The following ARHGAP20 variants were observed in gnomAD, a reference collection of about 807,000 sequenced individuals.
ARHGAP20 encodes the protein rho GTPase-activating protein 20.
In ARHGAP20, 34 loss-of-function variants were observed where a neutral mutation model predicts 73.7. The observed-to-expected ratio is 0.46, with a 90% CI of 0.35 to 0.61. ARHGAP20 has a LOEUF of 0.61. Among genes scored for constraint, ARHGAP20 ranks in the 20% least tolerant of loss-of-function variants. The pLI, the probability that ARHGAP20 is intolerant of heterozygous loss-of-function variation, is 0.00. For missense variants in ARHGAP20, 1,314 were observed against 1,420.9 expected, an observed-to-expected ratio of 0.92 and a Z score of 1.21; for synonymous variants, 523 against 518.2, an observed-to-expected ratio of 1.01 and a Z score of -0.13.
chr11:110,630,319 C>T (rs1948832802), intron 3 of ARHGAP20, among the ~76,000 whole-genome samples: 1 of 152,142 alleles, frequency 6.6e-6, no homozygotes, highest in African/African-American at 2.4e-5. Flanking sequence ...CTCCCTCACC[C>T]CATGCATAAG....
At chr11:110,617,465 G>A (rs1336275090) in intron 4 of ARHGAP20, among the ~76,000 whole-genome samples, 1 of 152,030 alleles carries the variant, frequency 6.6e-6, no homozygotes. Context: ...ATTTCTCCAT[G>A]TTGGCCAGGC....
At chr11:110,630,514 T>C (rs1948837864) in intron 3 of ARHGAP20, 114 bp downstream of exon 3, 1 of 1,119,034 alleles carries the variant, frequency 8.9e-7, no homozygotes, top group Admixed American at 2.5e-5. Context: ...CTTTAGATAT[T>C]ACCTATAGTA....
chr11:110,579,317 C>T lies in ARHGAP20; in HGVS notation c.*53G>A, dbSNP rs1947369457. On this transcript the variant is annotated 3_prime_UTR_variant, in exon 15 of 15. Transcript: ENST00000683387. ...ACAAAGGGGTCATAATAATTATTGT[C>T]TATTATTATTAACCCAGTTCCTGTT... is the stretch of plus-strand genomic sequence containing the variant. 3.3e-6 allele frequency: 5 copies of T among 1,511,476 alleles called. No homozygotes were observed. Among genetic ancestry groups the T allele is most frequent in the African/African-American group, 1.4e-5 (1 of 71,960 alleles). 93.6% of individuals were successfully genotyped at this position (1,511,476 alleles called of 1,614,324 possible).
intron 5 of ARHGAP20, 66 bp from the exon 6 acceptor site, chr11:110,614,711 T>A (rs1429740785): frequency 1.9e-6 from 2 of 1,053,628 alleles, no homozygotes; most frequent in African/African-American, 1.7e-5. Context: ...TGGCTTATTT[T>A]AAAAATCAAT....
intron 2 of ARHGAP20, among the ~76,000 whole-genome samples, chr11:110,657,280 A>G (rs561777700): frequency 1.3e-5 from 2 of 152,310 alleles, no homozygotes; most frequent in Admixed American, 1.3e-4. Flanking sequence ...CACAGAAAGG[A>G]AATATAAAGC....
rs377356458 is a variant in ARHGAP20 at position 110,601,429 on chromosome 11, G to A, written c.964+5132C>T. Among the ~76,000 whole-genome samples, 42 of 152,326 alleles carry A rather than the reference G, an allele frequency of 2.8e-4. No homozygotes were observed. In the East Asian group the frequency reaches 4.6e-3, roughly 17 times the overall value. The stretch of plus-strand genomic sequence containing the variant: ...AAGATGTAACAGGCAAAGGAATGAA[G>A]ACAAGTCAAATAAGATGGCTCTGTT... On this transcript the variant is annotated intron_variant, in intron 9 of 14. Transcript: ENST00000683387.
chr11:110,708,637 T>C (rs1215439001), intron 1 of ARHGAP20, among the ~76,000 whole-genome samples: 3 of 152,048 alleles, frequency 2.0e-5, no homozygotes, highest in Non-Finnish European at 2.9e-5. Flanking sequence ...AAAAAAAGAA[T>C]ATAAAGTATG....
intron 9 of ARHGAP20, among the ~76,000 whole-genome samples, chr11:110,602,555 A>G (rs956702053): frequency 6.6e-6 from 1 of 152,236 alleles, no homozygotes; most frequent in Non-Finnish European, 1.5e-5. Flanking sequence ...TGAGTGGCTC[A>G]TTTGTTAGCC....
Position 110,578,635 on chromosome 11 carries a change from C to T in ARHGAP20, c.*735G>A. Reference sequence around the variant, plus strand: ...GGGTACTGAAATGGGCAGCCATTTTCTTCTTTCTCCTCACAACTCTGTTTC... The same window carrying T: ...GGGTACTGAAATGGGCAGCCATTTTTTTCTTTCTCCTCACAACTCTGTTTC... On this transcript the variant is annotated 3_prime_UTR_variant, in exon 15 of 15. Transcript: ENST00000683387. The T allele has an allele frequency of 1.0e-6, 1 of 985,402 alleles. No homozygotes were observed. Among genetic ancestry groups the T allele is most frequent in the African/African-American group, 1.7e-5 (1 of 57,354 alleles). 61.0% of individuals were successfully genotyped at this position (985,402 alleles called of 1,614,324 possible).
chr11:110,669,603 C>G (rs1949789508), intron 2 of ARHGAP20, among the ~76,000 whole-genome samples: 1 of 151,870 alleles, frequency 6.6e-6, no homozygotes, highest in Non-Finnish European at 1.5e-5. Context: ...AAATTAAAAC[C>G]ACAAAGAAAT....
At chr11:110,595,094 C>T (rs1183787326) in intron 9 of ARHGAP20, among the ~76,000 whole-genome samples, 3 of 151,440 alleles carry the variant, frequency 2.0e-5, no homozygotes, top group African/African-American at 7.3e-5. Flanking sequence ...AATTCAACAA[C>T]CCTTCATGCT....
intron 10 of ARHGAP20, 22 bp from the exon 11 acceptor site, chr11:110,590,831 T>C: frequency 6.2e-7 from 1 of 1,604,886 alleles, no homozygotes; most frequent in Non-Finnish European, 8.5e-7. Context: ...CAAAGGAAAA[T>C]AAACAAAATG....
At chr11:110,665,991 AC>A (rs1949716061) in intron 2 of ARHGAP20, among the ~76,000 whole-genome samples, 1 of 152,080 alleles carries the variant, frequency 6.6e-6, no homozygotes, top group Non-Finnish European at 1.5e-5. Flanking sequence ...ACACACACAC[AC>A]ACGTATATAT....
intron 9 of ARHGAP20, among the ~76,000 whole-genome samples, chr11:110,595,830 T>C (rs1387995022): frequency 7.2e-5 from 11 of 152,040 alleles, no homozygotes; most frequent in Admixed American, 2.6e-4. Context: ...GAGCCCACAT[T>C]GCCAAGTCAA....
chr11:110,712,161 A>G lies in ARHGAP20; in HGVS notation c.71T>C (p.Val24Ala). 7.3e-7 allele frequency: 1 copy of G among 1,365,968 alleles called. No individual in the cohort carries two copies. Among genetic ancestry groups the G allele is most frequent in the Non-Finnish European group, 9.5e-7 (1 of 1,053,742 alleles). The allele number at this position is 1,365,968 out of a possible 1,614,324, so 84.6% of individuals were successfully genotyped here. A position where few individuals can be genotyped will look rare whatever the true frequency, so the allele number is the denominator to read the frequency against. Residue 24 changes from valine to alanine, a missense_variant, in exon 1 of 15, where the codon GTG becomes GCG. Physicochemically the swap from Val to Ala is moderately conservative, Grantham distance 64. Coordinates refer to ENST00000683387, the MANE Select transcript of ARHGAP20 (RefSeq NM_001384657.1). ...QPGRSSSLTG[V>A]SRLAGGSCTK... Reference sequence around the variant, plus strand: ...GCAGCTGCCTCCCGCGAGCCGAGACACTCCTGTCAGGGAAGAGGAGCGCCC... The same window carrying G: ...GCAGCTGCCTCCCGCGAGCCGAGACGCTCCTGTCAGGGAAGAGGAGCGCCC...
At chr11:110,625,126 T>C (rs921178024) in intron 3 of ARHGAP20, among the ~76,000 whole-genome samples, 3 of 149,848 alleles carry the variant, frequency 2.0e-5, no homozygotes, top group Non-Finnish European at 3.0e-5. Flanking sequence ...CAAGCTCCGC[T>C]TCCCGGGTTC....
intron 2 of ARHGAP20, among the ~76,000 whole-genome samples, chr11:110,684,035 C>T (rs1876199): frequency 2.0e-5 from 3 of 151,984 alleles, no homozygotes; most frequent in Non-Finnish European, 1.5e-5. Context: ...GCCTTCACCA[C>T]GCATGAAACC....
At chr11:110,672,359 GA>G in intron 2 of ARHGAP20, among the ~76,000 whole-genome samples, 1 of 152,078 alleles carries the variant, frequency 6.6e-6, no homozygotes, top group Non-Finnish European at 1.5e-5. Flanking sequence ...ACTTCACAAA[GA>G]AAAACATACA....
At chr11:110,617,023 A>G (rs1300575139) in intron 4 of ARHGAP20, among the ~76,000 whole-genome samples, 1 of 152,188 alleles carries the variant, frequency 6.6e-6, no homozygotes, top group Non-Finnish European at 1.5e-5. Flanking sequence ...ACCAGCACCC[A>G]GATCAGGAAA....
Sources: allele counts gnomAD v4.1 joint callset (sites outside exome capture counted in the v4.1 genomes callset), GRCh38; gene constraint gnomAD v4.1.1; transcripts MANE v1.5; gene names NCBI Gene and HGNC (gene_info 2026-07-23, HGNC 2026-07-21).